The following CDK6 variants were observed in gnomAD, a reference collection of about 807,000 sequenced individuals.
CDK6 encodes the protein cyclin dependent kinase 6.
Under a neutral mutation model 37.1 loss-of-function variants are expected in CDK6, and 6 were observed. The ratio of observed to expected loss-of-function variants is 0.16; its 90% CI spans 0.09 to 0.32. The LOEUF (loss-of-function observed/expected upper bound fraction) is 0.32. CDK6 is among the 10% of genes least tolerant of loss of function. CDK6 has a pLI of 1.00. For missense variants in CDK6, 224 were observed against 418.9 expected, an observed-to-expected ratio of 0.53 and a Z score of 4.06; for synonymous variants, 160 against 161.3, an observed-to-expected ratio of 0.99 and a Z score of 0.06.
chr7:92,797,362 A>T (rs1255325041), intron 2 of CDK6, among the ~76,000 whole-genome samples: 1 of 152,210 alleles, frequency 6.6e-6, no homozygotes, highest in Non-Finnish European at 1.5e-5. Flanking sequence ...CTTGACATGT[A>T]CAGTTTTTAC....
chr7:92,756,839 G>A (rs1186329674), intron 3 of CDK6, among the ~76,000 whole-genome samples: 2 of 152,134 alleles, frequency 1.3e-5, no homozygotes, highest in African/African-American at 2.4e-5. Context: ...GGGAAGAAAC[G>A]GAGTATGCAT....
intron 3 of CDK6, among the ~76,000 whole-genome samples, chr7:92,764,803 C>T (rs932478180): frequency 2.0e-5 from 3 of 152,138 alleles, no homozygotes; most frequent in Admixed American, 6.5e-5. Flanking sequence ...TGCAATGAAA[C>T]GATTGTTTAA....
At position 92,822,583 on chromosome 7, in the gene CDK6, T is replaced by G. The variant is rs1252670509; in HGVS notation, c.233+10508A>C. 2.6e-5 allele frequency among the ~76,000 whole-genome samples: 4 copies of G among 152,104 alleles called. No individual in the cohort carries two copies. In the East Asian group the frequency reaches 7.7e-4, roughly 29 times the overall value. On this transcript the variant is annotated intron_variant, in intron 2 of 7. Coordinates refer to ENST00000424848, the MANE Select transcript of CDK6 (RefSeq NM_001145306.2). ...GAACTGTTCTGGATGCTGGAGATAA[T>G]GCGTGAGCAAAACAAAAATTTTTGC...
chr7:92,649,768 A>G (rs1248997052), intron 5 of CDK6, among the ~76,000 whole-genome samples: 7 of 152,222 alleles, frequency 4.6e-5, no homozygotes, highest in Non-Finnish European at 8.8e-5. Flanking sequence ...TCTGGCTCCA[A>G]CATCAACTCC....
chr7:92,751,619 G>A (rs1799189922), intron 3 of CDK6, among the ~76,000 whole-genome samples: 1 of 152,128 alleles, frequency 6.6e-6, no homozygotes, highest in African/African-American at 2.4e-5. Flanking sequence ...CTGTATCTTT[G>A]TAAAGCACAC....
chr7:92,610,432 C>T lies in CDK6; in HGVS notation c.*4708G>A. The T allele has an allele frequency of 4.3e-6, 1 of 231,258 alleles. No individual in the cohort carries two copies. Among genetic ancestry groups the T allele is most frequent in the Non-Finnish European group, 8.6e-6 (1 of 116,894 alleles). 14.3% of individuals were successfully genotyped at this position (231,258 alleles called of 1,614,324 possible). On this transcript the variant is annotated 3_prime_UTR_variant, in exon 8 of 8. Coordinates refer to ENST00000424848, the MANE Select transcript of CDK6 (RefSeq NM_001145306.2). The stretch of plus-strand genomic sequence containing the variant: ...AAAATAAAAATCCCCAGAAAGGCTA[C>T]TTGAGAAAAAAACGTGTAAAAATTG...
intron 4 of CDK6, among the ~76,000 whole-genome samples, chr7:92,672,313 AACTGC>A (rs939263866): frequency 1.3e-5 from 2 of 149,886 alleles, no homozygotes; most frequent in African/African-American, 4.9e-5. Context: ...GACATGTCAA[AACTGC>A]TCTTACCGTG....
chr7:92,663,530 G>A (rs947216497), intron 5 of CDK6, among the ~76,000 whole-genome samples: 2 of 151,666 alleles, frequency 1.3e-5, no homozygotes, highest in African/African-American at 2.4e-5. Flanking sequence ...GCGAAACCCC[G>A]TATCTACTAA....
chr7:92,829,993 G>A (rs1374112094), intron 2 of CDK6, among the ~76,000 whole-genome samples: 2 of 152,108 alleles, frequency 1.3e-5, no homozygotes, highest in Non-Finnish European at 2.9e-5. Context: ...TAAATATTTG[G>A]TGAATGAACA....
At chr7:92,803,080 A>T (rs566872052) in intron 2 of CDK6, among the ~76,000 whole-genome samples, 1 of 152,286 alleles carries the variant, frequency 6.6e-6, no homozygotes, top group Admixed American at 6.5e-5. Flanking sequence ...CTTTTCAAGT[A>T]CTTCTTGTAT....
At chr7:92,709,474 T>G (rs573428200) in intron 4 of CDK6, among the ~76,000 whole-genome samples, 29 of 152,140 alleles carry the variant, frequency 1.9e-4, no homozygotes, top group African/African-American at 5.8e-4. Flanking sequence ...GTCTCCTAGA[T>G]TCACCAGGGT....
At chr7:92,720,330 A>G (rs1023441594) in intron 4 of CDK6, among the ~76,000 whole-genome samples, 3 of 152,224 alleles carry the variant, frequency 2.0e-5, no homozygotes, top group African/African-American at 7.2e-5. Context: ...GTATGGAGAA[A>G]AGAGGAGTGG....
chr7:92,755,746 G>A (rs1799301527), intron 3 of CDK6, among the ~76,000 whole-genome samples: 2 of 152,094 alleles, frequency 1.3e-5, no homozygotes, highest in Admixed American at 6.6e-5. Flanking sequence ...GTTGGGGTGC[G>A]GATACCATTC....
intron 3 of CDK6, among the ~76,000 whole-genome samples, chr7:92,727,730 G>T (rs1798546491): frequency 6.6e-6 from 1 of 152,128 alleles, no homozygotes; most frequent in Non-Finnish European, 1.5e-5. Flanking sequence ...TGAACTGGCA[G>T]GGGTGACCTT....
chr7:92,822,779 T>A (rs1008263997), intron 2 of CDK6, among the ~76,000 whole-genome samples: 3 of 152,128 alleles, frequency 2.0e-5, no homozygotes, highest in Non-Finnish European at 2.9e-5. Context: ...ATTGTAAGAA[T>A]GATAATCTGA....
At position 92,833,564 on chromosome 7, in the gene CDK6, TCGC is replaced by T. The variant is rs552308183; in HGVS notation, c.-244_-242del. ...CCGCCGCGAAACTCCGCCTGCAGAG[TCGC>T]CGCCGCCGCCGCCGCCGGAGGAGCG... On this transcript the variant is annotated 5_prime_UTR_variant, in exon 2 of 8. Coordinates refer to ENST00000424848, the MANE Select transcript of CDK6 (RefSeq NM_001145306.2). The surrounding 1 kb of genome is among the most constrained non-coding windows in gnomAD (Gnocchi z 6.1). 4.3e-4 allele frequency: 227 copies of T among 532,626 alleles called. No homozygotes were observed. The highest frequency in any genetic ancestry group is 1.1e-3 in the South Asian group (40 of 37,928). 33.0% of individuals were successfully genotyped at this position (532,626 alleles called of 1,614,324 possible).
At chr7:92,726,542 C>T (rs1798516791) in intron 3 of CDK6, among the ~76,000 whole-genome samples, 1 of 152,166 alleles carries the variant, frequency 6.6e-6, no homozygotes, top group African/African-American at 2.4e-5. Context: ...TCCCAAGTAG[C>T]TGGGACCACA....
At chr7:92,750,273 G>A (rs1480461001) in intron 3 of CDK6, among the ~76,000 whole-genome samples, 2 of 152,050 alleles carry the variant, frequency 1.3e-5, no homozygotes, top group Non-Finnish European at 2.9e-5. Flanking sequence ...CACCCTCTTC[G>A]GGACCCACTT....
At chr7:92,682,054 C>T (rs986542204) in intron 4 of CDK6, among the ~76,000 whole-genome samples, 7 of 152,168 alleles carry the variant, frequency 4.6e-5, no homozygotes. Flanking sequence ...TTCAATGAAG[C>T]CACCATCAGA....
Sources: gnomAD v4.1 joint callset for allele counts (sites outside exome capture counted in the v4.1 genomes callset) on GRCh38, gnomAD v4.1.1 for gene constraint, Gnocchi (gnomAD v3.1) non-coding constraint, MANE v1.5 for transcripts, NCBI Gene and HGNC (gene_info 2026-07-23, HGNC 2026-07-21) for gene names.